The following DYNC2H1 variants were observed in gnomAD, a reference collection of about 807,000 sequenced individuals.
DYNC2H1 encodes cytoplasmic dynein 2 heavy chain 1.
DYNC2H1 carries 410 observed loss-of-function variants against 570.0 expected under a neutral mutation model. The observed-to-expected ratio is 0.72, with a 90% confidence interval of 0.66 to 0.78. The LOEUF (loss-of-function observed/expected upper bound fraction) is 0.78. DYNC2H1 is among the 30% of genes least tolerant of loss of function. The probability of loss-of-function intolerance (pLI) is 0.00; values close to 1 mark genes in which losing one functional copy is unlikely to be tolerated. For synonymous variants in DYNC2H1, 1,688 were observed against 1,677.6 expected (o/e 1.01, Z -0.15); for missense variants, 4,865 against 5,046.4 (o/e 0.96, Z 1.09).
At chr11:103,318,526 T>C (rs1018612125) in intron 80 of DYNC2H1, among the ~76,000 whole-genome samples, 12 of 152,178 alleles carry the variant, frequency 7.9e-5, no homozygotes, top group Admixed American at 3.3e-4. Flanking sequence ...TGTAATTATA[T>C]GTATTTCTGT....
intron 84 of DYNC2H1, among the ~76,000 whole-genome samples, chr11:103,423,323 A>G (rs1045516720): frequency 5.3e-5 from 8 of 151,662 alleles, no homozygotes; most frequent in Non-Finnish European, 1.2e-4. Flanking sequence ...GATTTTCACC[A>G]ATAGGCTAAG....
chr11:103,393,366 C>T (rs1942255101), intron 83 of DYNC2H1, among the ~76,000 whole-genome samples: 2 of 152,156 alleles, frequency 1.3e-5, no homozygotes, highest in African/African-American at 4.8e-5. Flanking sequence ...GATAGCTTCA[C>T]AGAGCAGAAT....
chr11:103,230,190 T>C (rs570121402), intron 59 of DYNC2H1, among the ~76,000 whole-genome samples: 4 of 152,334 alleles, frequency 2.6e-5, no homozygotes, highest in Non-Finnish European at 5.9e-5. Context: ...CAGTGTTTTG[T>C]ATGTTACCCC....
chr11:103,197,873 T>G, intron 47 of DYNC2H1, 60 bp from the exon 48 acceptor site: 1 of 1,509,518 alleles, frequency 6.6e-7, no homozygotes. Context: ...AGGCAATGTA[T>G]TTGTTGAACT....
intron 10 of DYNC2H1, 108 bp downstream of exon 10, chr11:103,121,604 GCATGTCTGTCTAATTTTCATA>G: frequency 8.1e-7 from 1 of 1,230,140 alleles, no homozygotes; most frequent in African/African-American, 1.5e-5. Context: ...GTTTTCCTTG[GCATGTCTGTCTAATTTTCATA>G]CAAAATGCAG....
At chr11:103,466,069 T>C (rs1945185433) in intron 87 of DYNC2H1, among the ~76,000 whole-genome samples, 1 of 152,004 alleles carries the variant, frequency 6.6e-6, no homozygotes, top group African/African-American at 2.4e-5. Flanking sequence ...TGAGACAGTA[T>C]GGTGCTGGTT....
intron 18 of DYNC2H1, 26 bp downstream of exon 18, chr11:103,143,421 C>T (rs745663216): frequency 4.0e-5 from 62 of 1,564,768 alleles, no homozygotes; most frequent in Admixed American, 3.5e-4. Context: ...GTAGTACTTA[C>T]GTACCATAAT....
Position 103,160,970 on chromosome 11 carries a change from A to T in DYNC2H1, c.4417A>T (p.Ile1473Leu), listed in dbSNP as rs376487632. 6.4e-7 allele frequency: 1 copy of T among 1,572,912 alleles called. No homozygotes were observed. The highest frequency in any genetic ancestry group is 1.2e-5 in the South Asian group (1 of 80,972). The change falls in exon 29 of 89, where the codon ATA (isoleucine) becomes TTA (leucine). Residue 1473 changes from isoleucine (I) to leucine (L), a missense_variant. Ile to Leu is a conservative substitution (Grantham distance 5). Coordinates refer to ENST00000375735, the MANE Select transcript of DYNC2H1 (RefSeq NM_001377.3). Reference sequence around the variant, plus strand: ...TTGCTTTGATGAGAAATCAAAACATATAACTGCAATGAAATCTTTAGAGGG... The same window carrying T: ...TTGCTTTGATGAGAAATCAAAACATTTAACTGCAATGAAATCTTTAGAGGG... The part of the protein sequence containing the change: ...SVCFDEKSKH[I>L]TAMKSLEGEV...
chr11:103,356,692 C>CA (rs984789147), intron 82 of DYNC2H1, among the ~76,000 whole-genome samples: 22 of 151,636 alleles, frequency 1.5e-4, no homozygotes, highest in South Asian at 2.1e-4. Context: ...ATCAGAAAAA[C>CA]AAAAAAAATC....
At position 103,201,441 on chromosome 11, in the gene DYNC2H1, C is replaced by T. The variant is rs958709612; in HGVS notation, c.8197+1287C>T. ...ACATGAAGCACTGTCCATTTATATT[C>T]CTCAGCATTTCTCACCCCTAATTGC... is the stretch of plus-strand genomic sequence containing the variant. On this transcript the variant is annotated intron_variant, in intron 50 of 88. Transcript: ENST00000375735. This position sits in a 1 kb window ranked among gnomAD's most constrained non-coding sequence, Gnocchi z 4.8. Among the ~76,000 whole-genome samples the T allele has an allele frequency of 6.6e-6, 1 of 152,034 alleles. No individual in the cohort carries two copies. The highest frequency in any genetic ancestry group is 2.4e-5 in the African/African-American group (1 of 41,390).
At chr11:103,113,801 T>C (rs990632781) in intron 2 of DYNC2H1, 94 bp downstream of exon 2, 3 of 1,001,766 alleles carry the variant, frequency 3.0e-6, no homozygotes, top group African/African-American at 1.7e-5. Flanking sequence ...TTAATGTTAG[T>C]AGTGTTTTAA....
At chr11:103,287,703 A>C in intron 75 of DYNC2H1, 98 bp downstream of exon 75, 2 of 963,726 alleles carry the variant, frequency 2.1e-6, no homozygotes, top group Non-Finnish European at 3.1e-6. Context: ...GAAATGTTAT[A>C]ATGTCTCTTT....
intron 11 of DYNC2H1, among the ~76,000 whole-genome samples, chr11:103,124,563 T>A (rs1858889421): frequency 6.6e-6 from 1 of 152,120 alleles, no homozygotes; most frequent in South Asian, 2.1e-4. Flanking sequence ...CCATTCTGAT[T>A]TGAGTTCCCC....
intron 62 of DYNC2H1, among the ~76,000 whole-genome samples, 152 bp downstream of exon 62, chr11:103,235,965 C>T (rs1026288879): frequency 4.6e-5 from 7 of 151,846 alleles, no homozygotes; most frequent in Non-Finnish European, 1.0e-4. Flanking sequence ...GATACCCTAG[C>T]TACTTTAGAT....
intron 43 of DYNC2H1, among the ~76,000 whole-genome samples, chr11:103,188,000 T>C (rs562217867): frequency 1.7e-4 from 26 of 152,184 alleles, no homozygotes; most frequent in African/African-American, 6.3e-4. Flanking sequence ...TTTTTGCCTG[T>C]ATAAGGATTT....
At chr11:103,416,261 G>A (rs1943277825) in intron 84 of DYNC2H1, among the ~76,000 whole-genome samples, 1 of 152,064 alleles carries the variant, frequency 6.6e-6, no homozygotes, top group East Asian at 1.9e-4. Context: ...TATCAAACCT[G>A]CACTTTGTGC....
In DYNC2H1 at chr11:103,177,756, C is replaced by T; in HGVS notation, c.6075C>T (p.Asp2025=). The change falls in exon 38 of 89, where the codon GAC becomes GAT. Residue 2025 remains aspartate (D), a synonymous_variant. Transcript: ENST00000375735. This position sits in a 1 kb window ranked among gnomAD's most constrained non-coding sequence, Gnocchi z 4.4. ...AATTATTAGGCCATATTGACATGGA[C>T]ACAAGAGAATGGTCTGATGGTGTTT... The part of the protein sequence containing the change: ...RYQLLGHIDM[D]TREWSDGVLT... The T allele has an allele frequency of 1.2e-6, 2 of 1,613,242 alleles. No homozygotes were observed. Among genetic ancestry groups the T allele is most frequent in the Non-Finnish European group, 8.5e-7 (1 of 1,179,580 alleles).
At chr11:103,443,358 T>C (rs1944329455) in intron 85 of DYNC2H1, among the ~76,000 whole-genome samples, 1 of 152,000 alleles carries the variant, frequency 6.6e-6, no homozygotes, top group African/African-American at 2.4e-5. Flanking sequence ...AGGAAAGTAG[T>C]GATTGGTTTT....
rs181667128 is a variant in DYNC2H1 at position 103,391,497 on chromosome 11, C to T, written c.12157-8166C>T. Among the ~76,000 whole-genome samples, 16 of 152,342 alleles carry T rather than the reference C, an allele frequency of 1.1e-4. 1 individual carries two copies. The highest frequency in any genetic ancestry group is 2.6e-4 in the African/African-American group (11 of 41,582). On this transcript the variant is annotated intron_variant, in intron 83 of 88. Transcript: ENST00000375735. ...TGTTTGAAGCCTACTTCTCTCAACT[C>T]GTCAAAGTCATTCTCTGTCCAGCTT...
Sources: allele counts gnomAD v4.1 joint callset (sites outside exome capture counted in the v4.1 genomes callset), GRCh38; gene constraint gnomAD v4.1.1; non-coding constraint Gnocchi (gnomAD v3.1); transcripts MANE v1.5; gene names NCBI Gene and HGNC (gene_info 2026-07-23, HGNC 2026-07-21).